Variants in C1QTNF3 observed in about 807,000 individuals in gnomAD.
C1QTNF3 encodes C1q and TNF related 3, also known as complement C1q tumor necrosis factor-related protein 3.
In C1QTNF3, 26 loss-of-function variants were observed where a neutral mutation model predicts 32.6. That is an observed-to-expected ratio of 0.80 (90% CI 0.58 to 1.11). The LOEUF (loss-of-function observed/expected upper bound fraction) is 1.11. C1QTNF3 is among the 50% of genes least tolerant of loss of function. C1QTNF3 has a pLI of 0.00. For synonymous variants in C1QTNF3, 155 were observed against 146.0 expected (o/e 1.06, Z -0.44); for missense variants, 362 against 398.2 (o/e 0.91, Z 0.77).
the C1QTNF3 span, among the ~76,000 whole-genome samples, chr5:34,073,079 G>A: frequency 6.6e-6 from 1 of 152,178 alleles, no homozygotes; most frequent in Non-Finnish European, 1.5e-5. Context: ...TGTAATCCCA[G>A]CACTTTGGGA....
At chr5:34,200,192 C>T in the C1QTNF3 span, 1 of 146,580 alleles carries the variant, frequency 6.8e-6, no homozygotes, top group African/African-American at 2.5e-5. Context: ...TTTTATATCC[C>T]ACTTATATTC....
chr5:34,053,419 C>T, the C1QTNF3 span, among the ~76,000 whole-genome samples: 88 of 152,308 alleles, frequency 5.8e-4, no homozygotes, highest in Admixed American at 1.1e-3. Flanking sequence ...GAACCATGTC[C>T]CATTGGTTCC....
the C1QTNF3 span, among the ~76,000 whole-genome samples, chr5:34,215,999 G>A: frequency 6.6e-6 from 1 of 152,292 alleles, no homozygotes; most frequent in Non-Finnish European, 1.5e-5. Context: ...CAACCAGCCT[G>A]TGATTACTGT....
At chr5:34,144,759 A>C in the C1QTNF3 span, among the ~76,000 whole-genome samples, 1 of 152,222 alleles carries the variant, frequency 6.6e-6, no homozygotes, top group Non-Finnish European at 1.5e-5. Flanking sequence ...TCTTATCAAA[A>C]TCTCTGGGAT....
At chr5:34,120,544 T>C in the C1QTNF3 span, among the ~76,000 whole-genome samples, 2 of 152,194 alleles carry the variant, frequency 1.3e-5, no homozygotes, top group Admixed American at 1.3e-4. Context: ...TCTTGAACTA[T>C]AGCTCCCACA....
At chr5:34,235,309 T>C in the C1QTNF3 span, among the ~76,000 whole-genome samples, 1 of 152,152 alleles carries the variant, frequency 6.6e-6, no homozygotes, top group South Asian at 2.1e-4. Context: ...CAAGGAATGA[T>C]TTTGTTTCCA....
the C1QTNF3 span, among the ~76,000 whole-genome samples, chr5:34,051,902 C>T: frequency 4.5e-4 from 69 of 152,328 alleles, no homozygotes; most frequent in Non-Finnish European, 7.5e-4. Flanking sequence ...ATGTGTTCCA[C>T]GTAGTGGAGC....
upstream of C1QTNF3, chr5:34,043,353 T>C: frequency 1.8e-6 from 1 of 552,864 alleles, no homozygotes; most frequent in South Asian, 2.4e-5. Flanking sequence ...CAAGAACGAT[T>C]TGTGTGCACA....
At chr5:34,226,438 CTAT>C in the C1QTNF3 span, among the ~76,000 whole-genome samples, 1 of 76,148 alleles carries the variant, frequency 1.3e-5, no homozygotes, top group Non-Finnish European at 3.1e-5. Context: ...GGTACAATAA[CTAT>C]CTACAAAATG....
chr5:34,040,827 T>A (rs181071299), intron 1 of C1QTNF3, among the ~76,000 whole-genome samples: 35 of 141,872 alleles, frequency 2.5e-4, no homozygotes, highest in Admixed American at 2.0e-3. Context: ...TTTTTTTTTT[T>A]AATTTGCTGT....
the C1QTNF3 span, among the ~76,000 whole-genome samples, chr5:34,075,096 A>T: frequency 1.6e-4 from 24 of 151,946 alleles, no homozygotes; most frequent in Admixed American, 3.9e-4. Flanking sequence ...AGCATGCAAA[A>T]ATACAGTGGA....
At chr5:34,173,822 TG>T in the C1QTNF3 span, among the ~76,000 whole-genome samples, 3 of 150,218 alleles carry the variant, frequency 2.0e-5, no homozygotes, top group Non-Finnish European at 4.4e-5. Context: ...GAAGTTAAAA[TG>T]TTCTCCTTAT....
the C1QTNF3 span, among the ~76,000 whole-genome samples, chr5:34,068,035 C>T: frequency 6.6e-6 from 1 of 151,850 alleles, no homozygotes; most frequent in South Asian, 2.1e-4. Context: ...TTTTTTACTA[C>T]ATTCTTAAGA....
At chr5:34,135,648 C>A in the C1QTNF3 span, among the ~76,000 whole-genome samples, 1 of 150,540 alleles carries the variant, frequency 6.6e-6, no homozygotes, top group Non-Finnish European at 1.5e-5. Context: ...AAGGAGCCTG[C>A]ATTGCCAAGA....
chr5:34,238,504 C>T, the C1QTNF3 span, among the ~76,000 whole-genome samples: 5 of 151,934 alleles, frequency 3.3e-5, no homozygotes, highest in African/African-American at 1.2e-4. Flanking sequence ...GAAATATTAA[C>T]AGAAGGTAGG....
At chr5:34,157,063 T>C in the C1QTNF3 span, among the ~76,000 whole-genome samples, 1 of 152,234 alleles carries the variant, frequency 6.6e-6, no homozygotes, top group Non-Finnish European at 1.5e-5. Flanking sequence ...ATATATAATT[T>C]TTATGACTAT....
chr5:34,064,563 G>A, the C1QTNF3 span, among the ~76,000 whole-genome samples: 12 of 152,280 alleles, frequency 7.9e-5, no homozygotes, highest in African/African-American at 2.6e-4. Context: ...CAACAATGAC[G>A]AGCCTTTAGC....
the C1QTNF3 span, among the ~76,000 whole-genome samples, chr5:34,243,104 G>A: frequency 1.3e-5 from 2 of 151,712 alleles, no homozygotes; most frequent in East Asian, 1.9e-4. Flanking sequence ...ACAAAACTGC[G>A]CTTCCTGCAC....
the C1QTNF3 span, among the ~76,000 whole-genome samples, chr5:34,224,453 C>CA: frequency 6.6e-6 from 1 of 151,242 alleles, no homozygotes; most frequent in Non-Finnish European, 1.5e-5. Context: ...CCAAAACAGA[C>CA]ATATAGATCA....
Sources: gnomAD v4.1 joint callset for allele counts (sites outside exome capture counted in the v4.1 genomes callset) on GRCh38, gnomAD v4.1.1 for gene constraint, MANE v1.5 for transcripts, NCBI Gene and HGNC (gene_info 2026-07-23, HGNC 2026-07-21) for gene names.